The following CSMD3 variants were observed in gnomAD, a reference collection of about 807,000 sequenced individuals.
The protein encoded by CSMD3 is CUB and sushi domain-containing protein 3.
In CSMD3, 177 loss-of-function variants were observed where a neutral mutation model predicts 435.2. The ratio of observed to expected loss-of-function variants is 0.41; its 90% confidence interval spans 0.36 to 0.46. The LOEUF (loss-of-function observed/expected upper bound fraction) is 0.46. Ranked by LOEUF, CSMD3 falls within the 20% of genes least tolerant of loss-of-function variation. CSMD3 has a pLI of 0.34. For synonymous variants in CSMD3, 1,656 were observed against 1,520.5 expected (o/e 1.09, Z -2.07); for missense variants, 4,265 against 4,504.6 (o/e 0.95, Z 1.52).
chr8:112,381,229 G>A (rs1370187768), intron 37 of CSMD3, among the ~76,000 whole-genome samples: 3 of 152,096 alleles, frequency 2.0e-5, no homozygotes, highest in Non-Finnish European at 4.4e-5. Flanking sequence ...AAAGCTGGTA[G>A]TCAGCTTTCA....
chr8:113,346,247 A>T (rs996960181), intron 1 of CSMD3, among the ~76,000 whole-genome samples: 4 of 151,922 alleles, frequency 2.6e-5, no homozygotes, highest in Non-Finnish European at 4.4e-5. Flanking sequence ...CTCAATTTAA[A>T]TTTAAATATT....
chr8:112,781,626 C>T (rs2078389059), intron 13 of CSMD3, among the ~76,000 whole-genome samples: 1 of 152,046 alleles, frequency 6.6e-6, no homozygotes, highest in Admixed American at 6.6e-5. Context: ...TCGGAGACAG[C>T]CAGTACTGTG....
intron 4 of CSMD3, among the ~76,000 whole-genome samples, chr8:113,164,980 C>A (rs192663295): frequency 1.3e-5 from 2 of 152,088 alleles, no homozygotes; most frequent in Admixed American, 1.3e-4. Flanking sequence ...CATTTTGCTT[C>A]GTCTTTAGAG....
intron 53 of CSMD3, among the ~76,000 whole-genome samples, chr8:112,299,998 A>G (rs1199374813): frequency 6.6e-6 from 1 of 151,020 alleles, no homozygotes; most frequent in South Asian, 2.1e-4. Context: ...TATAATACAC[A>G]ATAACAATTC....
intron 3 of CSMD3, among the ~76,000 whole-genome samples, chr8:113,197,708 A>ACAT (rs2132015380): frequency 6.6e-6 from 1 of 151,430 alleles, no homozygotes; most frequent in African/African-American, 2.4e-5. Context: ...TTTTAAAACG[A>ACAT]TCTTATAGTA....
intron 10 of CSMD3, among the ~76,000 whole-genome samples, chr8:112,880,050 C>G (rs2081404768): frequency 6.6e-6 from 1 of 151,844 alleles, no homozygotes; most frequent in South Asian, 2.1e-4. Flanking sequence ...GCACACGTAT[C>G]CCAGAACTTA....
chr8:112,748,253 T>A (rs976903425), intron 13 of CSMD3, among the ~76,000 whole-genome samples: 2 of 152,166 alleles, frequency 1.3e-5, no homozygotes, highest in East Asian at 3.9e-4. Flanking sequence ...GGAAAATATA[T>A]GATGGCTCAG....
intron 1 of CSMD3, among the ~76,000 whole-genome samples, chr8:113,346,902 G>A (rs928680340): frequency 1.3e-5 from 2 of 152,016 alleles, no homozygotes; most frequent in African/African-American, 2.4e-5. Flanking sequence ...ATTTTGTGGA[G>A]TCTGATATTT....
intron 10 of CSMD3, among the ~76,000 whole-genome samples, chr8:112,912,798 T>TATTTGTAAACC (rs1587653672): frequency 2.0e-5 from 3 of 152,058 alleles, no homozygotes. Context: ...TGAGAGAAAT[T>TATTTGTAAACC]ATTTGTAAAC....
At chr8:112,976,646 G>T (rs1056500613) in intron 6 of CSMD3, among the ~76,000 whole-genome samples, 1 of 151,696 alleles carries the variant, frequency 6.6e-6, no homozygotes, top group African/African-American at 2.4e-5. Context: ...AAGCCAAAAT[G>T]AAAACAAATG....
chr8:112,526,588 T>C (rs1460409524), intron 27 of CSMD3, among the ~76,000 whole-genome samples: 2 of 152,024 alleles, frequency 1.3e-5, no homozygotes, highest in Non-Finnish European at 2.9e-5. Flanking sequence ...TACATTTCTG[T>C]TTTTTAATTT....
chr8:113,063,382 CTG>C (rs1174913538), intron 5 of CSMD3, among the ~76,000 whole-genome samples: 1 of 151,862 alleles, frequency 6.6e-6, no homozygotes, highest in Non-Finnish European at 1.5e-5. Context: ...TATTTAGAAA[CTG>C]TATTGATTTA....
At chr8:112,756,530 G>C (rs2077703047) in intron 13 of CSMD3, among the ~76,000 whole-genome samples, 1 of 152,104 alleles carries the variant, frequency 6.6e-6, no homozygotes, top group African/African-American at 2.4e-5. Context: ...CATCATGGAA[G>C]AACACTTTCC....
chr8:113,426,919 C>T (rs1428977534), intron 1 of CSMD3, among the ~76,000 whole-genome samples: 3 of 151,410 alleles, frequency 2.0e-5, no homozygotes, highest in African/African-American at 7.2e-5. Flanking sequence ...CTACATCTAC[C>T]TGTTGTAAGA....
At chr8:113,311,723 T>A (rs913585986) in intron 2 of CSMD3, 1 of 152,150 alleles carries the variant, frequency 6.6e-6, no homozygotes, top group Non-Finnish European at 1.5e-5. Flanking sequence ...GTAGGTTACA[T>A]ACTAATTTTT....
intron 30 of CSMD3, among the ~76,000 whole-genome samples, chr8:112,497,350 A>G (rs1262337582): frequency 6.6e-6 from 1 of 151,946 alleles, no homozygotes; most frequent in Non-Finnish European, 1.5e-5. Context: ...AAAAGTAACT[A>G]AAAGCGTATA....
chr8:112,582,213 C>G (rs1407732310), intron 23 of CSMD3, among the ~76,000 whole-genome samples: 3 of 151,894 alleles, frequency 2.0e-5, no homozygotes, highest in Non-Finnish European at 4.4e-5. Flanking sequence ...TCCCTTTGCT[C>G]TCTTGCTCCC....
At chr8:113,325,598 A>G (rs2093978633) in intron 1 of CSMD3, among the ~76,000 whole-genome samples, 2 of 152,200 alleles carry the variant, frequency 1.3e-5, no homozygotes, top group South Asian at 4.1e-4. Flanking sequence ...AGACTAATAC[A>G]GCCTTACACT....
chr8:112,254,230 A>C (rs1457587664), intron 63 of CSMD3, 23 bp downstream of exon 63: 1 of 1,563,140 alleles, frequency 6.4e-7, no homozygotes, highest in Admixed American at 1.7e-5. Context: ...ATGATGCTAA[A>C]TGGACATAGC....
Sources: gnomAD v4.1 joint callset for allele counts (sites outside exome capture counted in the v4.1 genomes callset) on GRCh38, gnomAD v4.1.1 for gene constraint, MANE v1.5 for transcripts, NCBI Gene and HGNC (gene_info 2026-07-23, HGNC 2026-07-21) for gene names.